Variants in GCSAML observed in about 807,000 individuals in gnomAD.
The protein encoded by GCSAML is germinal center-associated signaling and motility-like protein.
A neutral mutation model predicts 13.0 loss-of-function variants in GCSAML; 9 were observed. That is an observed-to-expected ratio of 0.69 (90% CI 0.42 to 1.21). The LOEUF (loss-of-function observed/expected upper bound fraction) is 1.21, where lower values mean the gene tolerates loss of function less well. Among genes scored for constraint, GCSAML ranks in the 50% most tolerant of loss-of-function variants. GCSAML has a pLI of 0.00. For synonymous variants in GCSAML, 37 were observed against 52.9 expected (o/e 0.70, Z 1.31); for missense variants, 143 against 153.4 (o/e 0.93, Z 0.36).
At chr1:247,532,514 T>C in intron 2 of GCSAML, 1 of 1,611,620 alleles carries the variant, frequency 6.2e-7, no homozygotes, top group East Asian at 2.2e-5. Flanking sequence ...TCCATCATTG[T>C]ATGCTGGGGG....
chr1:247,574,742 C>T lies in GCSAML; in HGVS notation c.*360C>T, dbSNP rs957151264. ...CTAGGCCAAAGAGACCTCAGATGAA[C>T]CTGAAAGACTGAATTCTGGCCATGA... On this transcript the variant is annotated 3_prime_UTR_variant, in exon 5 of 5. Coordinates refer to ENST00000366488, the MANE Select transcript of GCSAML (RefSeq NM_145278.5). 1 of 221,800 alleles carries T rather than the reference C, an allele frequency of 4.5e-6. No individual in the cohort carries two copies. Among genetic ancestry groups the T allele is most frequent in the Admixed American group, 5.2e-5 (1 of 19,212 alleles). The allele number at this position is 221,800 out of a possible 1,614,324, so 13.7% of individuals were successfully genotyped here. A position where few individuals can be genotyped will look rare whatever the true frequency, so the allele number is the denominator to read the frequency against.
intron 2 of GCSAML, among the ~76,000 whole-genome samples, chr1:247,539,952 C>T (rs1667354342): frequency 6.6e-6 from 1 of 152,202 alleles, no homozygotes; most frequent in Non-Finnish European, 1.5e-5. Context: ...CCACTTCCCA[C>T]CACTTCTCCC....
At chr1:247,565,212 G>T (rs1249389860) in intron 3 of GCSAML, among the ~76,000 whole-genome samples, 1 of 152,102 alleles carries the variant, frequency 6.6e-6, no homozygotes, top group Non-Finnish European at 1.5e-5. Context: ...GCAAAAATTA[G>T]CTGGGCATGG....
chr1:247,561,763 C>T (rs1668135576), intron 2 of GCSAML, among the ~76,000 whole-genome samples: 1 of 152,034 alleles, frequency 6.6e-6, no homozygotes, highest in Non-Finnish European at 1.5e-5. Flanking sequence ...GTGCTTAGTA[C>T]TCTGAATGAA....
intron 4 of GCSAML, among the ~76,000 whole-genome samples, chr1:247,567,666 G>A (rs1023382080): frequency 2.0e-5 from 3 of 152,176 alleles, no homozygotes; most frequent in East Asian, 3.9e-4. Flanking sequence ...ATAGTAGAAC[G>A]ATTTATAATC....
upstream of GCSAML, among the ~76,000 whole-genome samples, chr1:247,548,275 C>T (rs1427968133): frequency 6.6e-6 from 1 of 152,222 alleles, no homozygotes; most frequent in Non-Finnish European, 1.5e-5. The surrounding 1 kb of genome is among the most constrained non-coding windows in gnomAD (Gnocchi z 5.3). Flanking sequence ...TGATCTCCTG[C>T]CGCTGATATT....
chr1:247,519,671 T>C (rs576416314), intron 1 of GCSAML, among the ~76,000 whole-genome samples: 2 of 152,356 alleles, frequency 1.3e-5, no homozygotes, highest in Admixed American at 6.5e-5. Flanking sequence ...GGACTATGCA[T>C]GGTAGTGAGT....
intron 2 of GCSAML, chr1:247,530,209 C>G (rs1666863303): frequency 6.6e-6 from 1 of 152,024 alleles, no homozygotes; most frequent in Non-Finnish European, 1.5e-5. Flanking sequence ...CAGGAACTGC[C>G]ACATGGTTTT....
At chr1:247,559,133 G>C (rs563692780) in intron 2 of GCSAML, among the ~76,000 whole-genome samples, 16 of 152,134 alleles carry the variant, frequency 1.1e-4, no homozygotes, top group Non-Finnish European at 2.4e-4. Flanking sequence ...ATACATACTA[G>C]CTGGTATCTG....
intron 2 of GCSAML, among the ~76,000 whole-genome samples, chr1:247,538,102 T>C (rs147174227): frequency 2.0e-5 from 3 of 152,354 alleles, no homozygotes; most frequent in Admixed American, 2.0e-4. Flanking sequence ...TATGATTACT[T>C]CTAAGAGTTT....
At chr1:247,522,916 TAAA>T (rs36008669) in intron 1 of GCSAML, among the ~76,000 whole-genome samples, 9 of 132,058 alleles carry the variant, frequency 6.8e-5, no homozygotes, top group Admixed American at 1.5e-4. Context: ...CAATAAATAC[TAAA>T]AAAAAAAAAA....
chr1:247,543,363 T>A (rs1667468857), intron 2 of GCSAML, among the ~76,000 whole-genome samples: 1 of 152,196 alleles, frequency 6.6e-6, no homozygotes, highest in Non-Finnish European at 1.5e-5. Flanking sequence ...TTTATTACAG[T>A]ATATTGTTAT....
upstream of GCSAML, among the ~76,000 whole-genome samples, chr1:247,545,245 T>C (rs1667530462): frequency 6.6e-6 from 1 of 152,216 alleles, no homozygotes. Flanking sequence ...TGCACGTGCT[T>C]GGTCTGGCCC....
At position 247,575,040 on chromosome 1, in the gene GCSAML, A is replaced by G. The variant is rs1374385209; in HGVS notation, c.*658A>G. The G allele has an allele frequency of 6.6e-6, 1 of 152,414 alleles. No homozygotes were observed. The highest frequency in any genetic ancestry group is 1.5e-5 in the Non-Finnish European group (1 of 68,252). The allele number at this position is 152,414 out of a possible 1,614,324, so 9.4% of individuals were successfully genotyped here. On this transcript the variant is annotated 3_prime_UTR_variant, in exon 5 of 5. Coordinates refer to ENST00000366488, the MANE Select transcript of GCSAML (RefSeq NM_145278.5). ...TTCTTAAGTCTTTAGACAAAGCTTAACTCTTTCAACCAATTGCCAATCAGA... is the reference window on the plus strand; with the variant it reads ...TTCTTAAGTCTTTAGACAAAGCTTAGCTCTTTCAACCAATTGCCAATCAGA...
chr1:247,532,052 G>T (rs1477636748), intron 2 of GCSAML: 1 of 1,613,946 alleles, frequency 6.2e-7, no homozygotes, highest in Non-Finnish European at 8.5e-7. Context: ...CTGGTGGTCA[G>T]ACCCCCCAGC....
intron 1 of GCSAML, among the ~76,000 whole-genome samples, chr1:247,522,916 TAAAA>T (rs36008669): frequency 1.5e-5 from 2 of 132,094 alleles, no homozygotes; most frequent in African/African-American, 5.7e-5. Flanking sequence ...CAATAAATAC[TAAAA>T]AAAAAAAAAA....
upstream of GCSAML, among the ~76,000 whole-genome samples, chr1:247,545,584 T>G (rs115982883): frequency 1.5e-3 from 226 of 152,324 alleles, 1 homozygote; most frequent in African/African-American, 5.2e-3. Context: ...CTAACAGGTA[T>G]GAGAGCCCTC....
intron 2 of GCSAML, among the ~76,000 whole-genome samples, chr1:247,563,042 G>A (rs1572364961): frequency 6.6e-6 from 1 of 150,990 alleles, no homozygotes; most frequent in Non-Finnish European, 1.5e-5. Flanking sequence ...TAGAGACGGG[G>A]TCTCACCGTG....
intron 4 of GCSAML, 127 bp from the exon 5 acceptor site, chr1:247,574,016 T>G: frequency 1.0e-6 from 1 of 989,360 alleles, no homozygotes; most frequent in South Asian, 1.6e-5. Context: ...ACAGGAATGC[T>G]TGGGTTTTGG....
Sources: gnomAD v4.1 joint callset for allele counts (sites outside exome capture counted in the v4.1 genomes callset) on GRCh38, gnomAD v4.1.1 for gene constraint, Gnocchi (gnomAD v3.1) non-coding constraint, MANE v1.5 for transcripts, NCBI Gene and HGNC (gene_info 2026-07-23, HGNC 2026-07-21) for gene names.